DCC: variants seen among roughly 807,000 people sequenced by gnomAD.
The protein encoded by DCC is DCC netrin 1 receptor.
DCC carries 58 observed loss-of-function variants against 172.5 expected under a neutral mutation model. The ratio of observed to expected loss-of-function variants is 0.34; its 90% CI spans 0.27 to 0.42. The LOEUF is 0.42. Ranked by LOEUF, DCC falls within the 10% of genes least tolerant of loss-of-function variation. DCC has a pLI of 1.00. For synonymous variants in DCC, 709 were observed against 644.5 expected, an observed-to-expected ratio of 1.10 and a Z score of -1.52; for missense variants, 1,740 against 1,791.0, an observed-to-expected ratio of 0.97 and a Z score of 0.51.
chr18:52,777,698 C>A (rs958194491), intron 2 of DCC, among the ~76,000 whole-genome samples: 2 of 151,834 alleles, frequency 1.3e-5, no homozygotes, highest in African/African-American at 2.4e-5. Flanking sequence ...CAGAAAGATA[C>A]CTGTGCAGCT....
chr18:52,668,834 C>T lies in DCC; in HGVS notation c.92-83220C>T, dbSNP rs1568283306. Among the ~76,000 whole-genome samples, 8 of 152,312 alleles carry T rather than the reference C, an allele frequency of 5.3e-5. No individual in the cohort carries two copies. In the South Asian group the frequency reaches 1.7e-3, roughly 32 times the overall value. On this transcript the variant is annotated intron_variant, in intron 1 of 28. Transcript: ENST00000442544. ...GTTCAAATGAAATATAGAGCTTCAA[C>T]AAATTATTTTGGTGCTCAACTCTTG...
In DCC at chr18:52,661,741, T is replaced by C. The variant is rs559133215; in HGVS notation, c.92-90313T>C. On this transcript the variant is annotated intron_variant, in intron 1 of 28. Transcript: ENST00000442544. ...ATTGCCAAATATTTATAAGATCTTCTAAAATAGAGAAAGTAAAACCAGCAA... is the reference window on the plus strand; with the variant it reads ...ATTGCCAAATATTTATAAGATCTTCCAAAATAGAGAAAGTAAAACCAGCAA... Among the ~76,000 whole-genome samples, 4 of 152,350 alleles carry C rather than the reference T, an allele frequency of 2.6e-5. No homozygotes were observed. The South Asian group carries it at 8.3e-4, about 32-fold the overall frequency.
chr18:52,969,979 A>T (rs900332054), intron 5 of DCC, among the ~76,000 whole-genome samples: 1 of 152,120 alleles, frequency 6.6e-6, no homozygotes, highest in Non-Finnish European at 1.5e-5. Context: ...TCAAAGTACA[A>T]TGATAAGAGT....
rs187945396 is a variant in DCC at position 53,034,778 on chromosome 18, G to A, written c.986-28527G>A. 1.2e-3 allele frequency among the ~76,000 whole-genome samples: 182 copies of A among 151,856 alleles called. 2 individuals carry two copies. The highest frequency in any genetic ancestry group is 4.2e-3 in the African/African-American group (172 of 41,428). On this transcript the variant is annotated intron_variant, in intron 5 of 28. Transcript: ENST00000442544. ...ATAGTCCATAAGGCCTGAAAGATCT[G>A]GCATTGGTGTGCTCATCTGCTCTTC...
At chr18:52,880,929 A>C (rs1196745591) in intron 2 of DCC, among the ~76,000 whole-genome samples, 3 of 152,020 alleles carry the variant, frequency 2.0e-5, no homozygotes, top group African/African-American at 7.2e-5. Flanking sequence ...TTTTTGAGGA[A>C]CCCACAAACT....
At chr18:53,076,254 G>A (rs2042723773) in intron 7 of DCC, among the ~76,000 whole-genome samples, 1 of 152,132 alleles carries the variant, frequency 6.6e-6, no homozygotes, top group South Asian at 2.1e-4. Flanking sequence ...TACAAGCCTA[G>A]AGTCATAGGG....
intron 7 of DCC, among the ~76,000 whole-genome samples, chr18:53,090,094 C>T (rs1437048389): frequency 6.6e-6 from 1 of 152,272 alleles, no homozygotes; most frequent in East Asian, 1.9e-4. Context: ...CTACTAGTTG[C>T]TAAAATTTTA....
chr18:53,127,625 A>T (rs1193440371), intron 7 of DCC, among the ~76,000 whole-genome samples: 1 of 152,124 alleles, frequency 6.6e-6, no homozygotes, highest in East Asian at 1.9e-4. Context: ...AAAATGTATG[A>T]CTTTGAACAA....
chr18:52,363,866 G>A (rs933379160), intron 1 of DCC, among the ~76,000 whole-genome samples: 9 of 152,110 alleles, frequency 5.9e-5, no homozygotes, highest in African/African-American at 2.2e-4. Flanking sequence ...TATCAACATT[G>A]GCTTTTTTCT....
chr18:52,817,451 A>G (rs1316733621), intron 2 of DCC, among the ~76,000 whole-genome samples: 1 of 152,142 alleles, frequency 6.6e-6, no homozygotes, highest in Non-Finnish European at 1.5e-5. Flanking sequence ...AAAATTATAA[A>G]TGATTTGGTG....
At chr18:52,605,480 G>A (rs62083416) in intron 1 of DCC, among the ~76,000 whole-genome samples, 37,928 of 152,036 alleles carry the variant, frequency 0.25, 5,241 homozygotes, top group Middle Eastern at 0.34. Flanking sequence ...TATTATTGCA[G>A]CTGCAAGCAG....
chr18:52,422,347 A>G (rs926051973), intron 1 of DCC, among the ~76,000 whole-genome samples: 1 of 152,170 alleles, frequency 6.6e-6, no homozygotes, highest in East Asian at 1.9e-4. Flanking sequence ...ACTTGTGATA[A>G]TATTTGCATG....
rs28647396 is a variant in DCC, at chr18:52,721,819, G to A, written c.92-30235G>A. ...GCAGGTGGATCACCAGAGGTTGGGA[G>A]TTCCAGACCAGCCTGGCCAACATGG... On this transcript the variant is annotated intron_variant, in intron 1 of 28. Coordinates refer to ENST00000442544, the MANE Select transcript of DCC (RefSeq NM_005215.4). 8.8e-3 allele frequency among the ~76,000 whole-genome samples: 1,333 copies of A among 152,246 alleles called. 20 individuals carry two copies. Among genetic ancestry groups the A allele is most frequent in the African/African-American group, 0.03 (1,259 of 41,534 alleles).
intron 24 of DCC, among the ~76,000 whole-genome samples, chr18:53,461,031 G>C (rs1270886984): frequency 6.6e-6 from 1 of 152,220 alleles, no homozygotes; most frequent in Non-Finnish European, 1.5e-5. Flanking sequence ...CTGATGGCCA[G>C]TGATGGTGAA....
At chr18:52,926,086 G>T in intron 5 of DCC, among the ~76,000 whole-genome samples, 1 of 151,660 alleles carries the variant, frequency 6.6e-6, no homozygotes, top group Non-Finnish European at 1.5e-5. Flanking sequence ...GATTTCAGTT[G>T]CTTTTTTTCT....
At chr18:53,133,881 A>C (rs1447395724) in intron 7 of DCC, among the ~76,000 whole-genome samples, 1 of 152,208 alleles carries the variant, frequency 6.6e-6, no homozygotes, top group Non-Finnish European at 1.5e-5. Flanking sequence ...CATACAAAGA[A>C]GAATAAAATT....
intron 1 of DCC, among the ~76,000 whole-genome samples, chr18:52,628,832 C>CA (rs1438072953): frequency 6.6e-6 from 1 of 152,224 alleles, no homozygotes; most frequent in Non-Finnish European, 1.5e-5. Flanking sequence ...TTCACCACAT[C>CA]ACGTCCCTGA....
At chr18:52,583,609 A>G (rs971653370) in intron 1 of DCC, among the ~76,000 whole-genome samples, 4 of 152,132 alleles carry the variant, frequency 2.6e-5, no homozygotes, top group African/African-American at 9.7e-5. Flanking sequence ...GGCAAAGTTT[A>G]TTGCTGTTCG....
chr18:53,349,357 C>A (rs899292275), intron 15 of DCC, among the ~76,000 whole-genome samples: 1 of 152,186 alleles, frequency 6.6e-6, no homozygotes, highest in Non-Finnish European at 1.5e-5. Context: ...GCCTTTTGGG[C>A]AAAGCCATTC....
Sources: allele counts gnomAD v4.1 joint callset (sites outside exome capture counted in the v4.1 genomes callset), GRCh38; gene constraint gnomAD v4.1.1; transcripts MANE v1.5; gene names NCBI Gene and HGNC (gene_info 2026-07-23, HGNC 2026-07-21).